The following PPM1D variants were observed in gnomAD, a reference collection of about 807,000 sequenced individuals.
PPM1D encodes protein phosphatase 1D.
Under a neutral mutation model 58.3 loss-of-function variants are expected in PPM1D, and 52 were observed. That is an observed-to-expected ratio of 0.89 (90% CI 0.71 to 1.12). PPM1D has a LOEUF of 1.12. Ranked by LOEUF, PPM1D falls within the 50% of genes most tolerant of loss-of-function variation. The probability of loss-of-function intolerance (pLI) is 0.00; values close to 1 mark genes in which losing one functional copy is unlikely to be tolerated. For synonymous variants in PPM1D, 278 were observed against 285.1 expected, an observed-to-expected ratio of 0.98 and a Z score of 0.25; for missense variants, 564 against 777.2, an observed-to-expected ratio of 0.73 and a Z score of 3.26.
intron 3 of PPM1D, among the ~76,000 whole-genome samples, chr17:60,645,558 G>GTATATATATGTATATATATA (rs1567974709): frequency 7.5e-6 from 1 of 132,920 alleles, no homozygotes; most frequent in Admixed American, 7.6e-5. Context: ...ATATATATGT[G>GTATATATATGTATATATATA]TGTGTATATA....
chr17:60,661,526 G>C (rs1040676695), intron 5 of PPM1D, among the ~76,000 whole-genome samples: 3 of 152,120 alleles, frequency 2.0e-5, no homozygotes, highest in Non-Finnish European at 4.4e-5. Flanking sequence ...GCTATTCTGA[G>C]TATATGTAGA....
chr17:60,604,767 G>A (rs557740174), intron 1 of PPM1D: 1 of 152,082 alleles, frequency 6.6e-6, no homozygotes, highest in South Asian at 2.1e-4. Flanking sequence ...TCATGGGTTG[G>A]GATTTAATAC....
chr17:60,608,323 T>TA (rs1426253103), intron 1 of PPM1D, among the ~76,000 whole-genome samples: 1 of 152,166 alleles, frequency 6.6e-6, no homozygotes, highest in Non-Finnish European at 1.5e-5. Context: ...CAAAAAGATG[T>TA]AAAATGATTA....
intron 1 of PPM1D, chr17:60,604,602 T>C (rs1211307898): frequency 6.6e-6 from 1 of 152,092 alleles, no homozygotes; most frequent in Admixed American, 6.5e-5. Context: ...CTATACAAAA[T>C]AAAAAATTAG....
rs114830021 is a variant in PPM1D at position 60,620,633 on chromosome 17, C to T, written c.473-2888C>T. 3.8e-3 allele frequency among the ~76,000 whole-genome samples: 583 copies of T among 151,510 alleles called. 2 individuals are homozygous for T. The highest frequency in any genetic ancestry group is 0.013 in the African/African-American group (551 of 41,316). On this transcript the variant is annotated intron_variant, in intron 1 of 5. Coordinates refer to ENST00000305921, the MANE Select transcript of PPM1D (RefSeq NM_003620.4). ...TCTCTGCCTCCTGAGGTTAGGATCC[C>T]TCCTGAGCTGGGATTACAGGTGTGC...
chr17:60,618,501 C>T (rs2030630538), intron 1 of PPM1D, among the ~76,000 whole-genome samples: 1 of 152,162 alleles, frequency 6.6e-6, no homozygotes, highest in Non-Finnish European at 1.5e-5. Flanking sequence ...TTATGCAGCA[C>T]TATCTCATTG....
chr17:60,649,542 A>G (rs1367566482), intron 4 of PPM1D, among the ~76,000 whole-genome samples: 1 of 152,054 alleles, frequency 6.6e-6, no homozygotes, highest in Non-Finnish European at 1.5e-5. Flanking sequence ...ATACAAAATT[A>G]GCTGGGTGTG....
intron 2 of PPM1D, among the ~76,000 whole-genome samples, chr17:60,625,808 T>C (rs1245531586): frequency 1.3e-5 from 2 of 152,198 alleles, no homozygotes; most frequent in Non-Finnish European, 2.9e-5. Flanking sequence ...TATTCTAAAT[T>C]TTTATAAATG....
intron 4 of PPM1D, among the ~76,000 whole-genome samples, chr17:60,652,562 T>G (rs1209870231): frequency 2.7e-5 from 4 of 146,592 alleles, no homozygotes; most frequent in Non-Finnish European, 4.5e-5. Context: ...TTTTTTTTTT[T>G]TTTTTTTTTT....
At chr17:60,642,656 A>G (rs2031158765) in intron 3 of PPM1D, among the ~76,000 whole-genome samples, 1 of 151,904 alleles carries the variant, frequency 6.6e-6, no homozygotes, top group Non-Finnish European at 1.5e-5. Context: ...ACTGGGTTTC[A>G]CCATTTTGGC....
intron 3 of PPM1D, among the ~76,000 whole-genome samples, chr17:60,641,135 A>G (rs1307243427): frequency 1.3e-5 from 2 of 152,182 alleles, no homozygotes; most frequent in African/African-American, 4.8e-5. Context: ...GGATTGCTAG[A>G]TCGAATGGTA....
At position 60,600,350 on chromosome 17, in the gene PPM1D, AGT is replaced by A; in HGVS notation, c.-60_-59del. 1.3e-6 allele frequency: 2 copies of A among 1,525,882 alleles called. No homozygotes were observed. Among genetic ancestry groups the A allele is most frequent in the South Asian group, 2.4e-5 (2 of 83,252 alleles). 94.5% of individuals were successfully genotyped at this position (1,525,882 alleles called of 1,614,324 possible). On this transcript the variant is annotated 5_prime_UTR_variant, in exon 1 of 6. Coordinates refer to ENST00000305921, the MANE Select transcript of PPM1D (RefSeq NM_003620.4). ...AACAATAGTTGGCCGGCGAGCGCCT[AGT>A]GTGTCTCCCGCCGCCGGATTCGGCG...
Position 60,650,988 on chromosome 17 carries a change from G to A in PPM1D, c.1017+2906G>A, listed in dbSNP as rs774932196. Among the ~76,000 whole-genome samples the A allele has an allele frequency of 3.3e-5, 5 of 152,130 alleles. 1 individual carries two copies. The highest frequency in any genetic ancestry group is 7.3e-5 in the Non-Finnish European group (5 of 68,028). ...AAAAATAAAAACTTGGGAGGGAAGC[G>A]TGGAAATACTAATTTAACAGTTAAC... On this transcript the variant is annotated intron_variant, in intron 4 of 5. Coordinates refer to ENST00000305921, the MANE Select transcript of PPM1D (RefSeq NM_003620.4).
intron 3 of PPM1D, among the ~76,000 whole-genome samples, chr17:60,635,093 A>C (rs1208593549): frequency 6.6e-6 from 1 of 151,990 alleles, no homozygotes; most frequent in Non-Finnish European, 1.5e-5. Context: ...TATATTAATA[A>C]TTTGTTTCCA....
chr17:60,615,000 C>A (rs1414987392), intron 1 of PPM1D, among the ~76,000 whole-genome samples: 1 of 152,192 alleles, frequency 6.6e-6, no homozygotes, highest in Non-Finnish European at 1.5e-5. Context: ...TTGTAACCTT[C>A]AGTAAAACTA....
At chr17:60,604,503 G>A (rs549344669) in intron 1 of PPM1D, 98 of 152,320 alleles carry the variant, frequency 6.4e-4, no homozygotes, top group African/African-American at 2.2e-3. Context: ...CCTGTAGTAT[G>A]TAACAAAAGC....
At chr17:60,643,243 C>A (rs2031172665) in intron 3 of PPM1D, among the ~76,000 whole-genome samples, 1 of 151,922 alleles carries the variant, frequency 6.6e-6, no homozygotes, top group African/African-American at 2.4e-5. Context: ...ATTAGCCTAG[C>A]ATGGTGGCAC....
chr17:60,654,140 C>A (rs935614886), intron 4 of PPM1D, among the ~76,000 whole-genome samples: 2 of 151,814 alleles, frequency 1.3e-5, no homozygotes, highest in African/African-American at 2.4e-5. Context: ...TTTTTTTCCC[C>A]ATTCAGTATT....
intron 2 of PPM1D, among the ~76,000 whole-genome samples, chr17:60,630,671 C>T (rs2030902965): frequency 6.6e-6 from 1 of 152,106 alleles, no homozygotes; most frequent in Non-Finnish European, 1.5e-5. Flanking sequence ...GTTGAAACTT[C>T]TATGTTTTAA....
Sources: gnomAD v4.1 joint callset for allele counts (sites outside exome capture counted in the v4.1 genomes callset) on GRCh38, gnomAD v4.1.1 for gene constraint, MANE v1.5 for transcripts, NCBI Gene and HGNC (gene_info 2026-07-23, HGNC 2026-07-21) for gene names.